Variants in NUP153 observed in about 807,000 individuals in gnomAD.
The protein encoded by NUP153 is nuclear pore complex protein Nup153.
In NUP153, 27 loss-of-function variants were observed where a neutral mutation model predicts 134.6. The ratio of observed to expected loss-of-function variants is 0.20; its 90% CI spans 0.15 to 0.28. The LOEUF (loss-of-function observed/expected upper bound fraction) is 0.28, where lower values mean the gene tolerates loss of function less well. Ranked by LOEUF, NUP153 falls within the 10% of genes least tolerant of loss-of-function variation. The pLI is 1.00. For missense variants in NUP153, 1,821 were observed against 1,731.3 expected (o/e 1.05, Z -0.92); for synonymous variants, 640 against 623.5 (o/e 1.03, Z -0.40).
chr6:17,688,662 C>A, intron 1 of NUP153, 44 bp from the exon 2 acceptor site: 1 of 1,492,768 alleles, frequency 6.7e-7, no homozygotes, highest in Non-Finnish European at 9.2e-7. Context: ...AGAAATTTAT[C>A]TTTTTAAAAT....
intron 2 of NUP153, among the ~76,000 whole-genome samples, chr6:17,687,276 C>T (rs981400452): frequency 6.6e-5 from 10 of 151,908 alleles, no homozygotes; most frequent in African/African-American, 2.4e-4. Flanking sequence ...AACTCTCTAA[C>T]CAAAAGGAAA....
At position 17,706,124 on chromosome 6, in the gene NUP153, C is replaced by T. The variant is rs939530699; in HGVS notation, c.111+153G>A. ...TGTCTCAGCCCACTTCCCGTCGCCA[C>T]CCCCAACGGCCTGAGCTCCCCCGGA... On this transcript the variant is annotated intron_variant, in intron 1 of 21. Transcript: ENST00000262077. The surrounding 1 kb of genome is among the most constrained non-coding windows in gnomAD (Gnocchi z 5.9). 1.1e-5 allele frequency: 7 copies of T among 641,816 alleles called. No homozygotes were observed. The highest frequency in any genetic ancestry group is 1.9e-5 in the Non-Finnish European group (7 of 370,922). The allele number at this position is 641,816 out of a possible 1,614,324, so 39.8% of individuals were successfully genotyped here. A position where few individuals can be genotyped will look rare whatever the true frequency, so the allele number is the denominator to read the frequency against.
intron 14 of NUP153, among the ~76,000 whole-genome samples, chr6:17,644,935 A>C (rs888243169): frequency 5.9e-5 from 9 of 152,070 alleles, no homozygotes; most frequent in Non-Finnish European, 8.8e-5. Flanking sequence ...AATACAAAAA[A>C]ATTAGCCAGG....
At chr6:17,663,256 C>T (rs57316215) in intron 9 of NUP153, among the ~76,000 whole-genome samples, 4,938 of 119,696 alleles carry the variant, frequency 0.041, 112 homozygotes, top group Non-Finnish European at 0.072. Flanking sequence ...CACACACACA[C>T]ACACATATAT....
At chr6:17,691,918 A>G (rs868800415) in intron 1 of NUP153, among the ~76,000 whole-genome samples, 4 of 152,100 alleles carry the variant, frequency 2.6e-5, no homozygotes, top group Admixed American at 6.6e-5. Flanking sequence ...CTCTCATCTC[A>G]GCCTTCCAAG....
chr6:17,623,355 G>A (rs1764749611), intron 20 of NUP153, among the ~76,000 whole-genome samples: 3 of 72,522 alleles, frequency 4.1e-5, no homozygotes, highest in African/African-American at 5.9e-5. Context: ...CTGAAAAATG[G>A]CCAAAAAAAA....
At chr6:17,640,368 A>G (rs962138487) in intron 14 of NUP153, among the ~76,000 whole-genome samples, 3 of 152,248 alleles carry the variant, frequency 2.0e-5, no homozygotes, top group African/African-American at 4.8e-5. Flanking sequence ...TGGAGAGGAT[A>G]TGGCAACTAG....
chr6:17,624,948 C>T, intron 19 of NUP153, 115 bp from the exon 20 acceptor site: 1 of 982,752 alleles, frequency 1.0e-6, no homozygotes, highest in South Asian at 2.0e-5. Flanking sequence ...TCTTACCTTG[C>T]TAACCAAATT....
In NUP153 at chr6:17,616,647, T is replaced by C. The variant is rs748541496; in HGVS notation, c.4223A>G (p.Asn1408Ser). Reference sequence around the variant, plus strand: ...TGTGAACACTCCTGATGGACTGTTGTTTGTGAAGTTGAAATTTGTAGTGCT... The same window carrying C: ...TGTGAACACTCCTGATGGACTGTTGCTTGTGAAGTTGAAATTTGTAGTGCT... ...GSSTTNFNFT[N>S]NSPSGVFTFG... Residue 1408 changes from asparagine (N) to serine (S), a missense_variant, in exon 21 of 22, where the codon AAC becomes AGC. Transcript: ENST00000262077. The C allele has an allele frequency of 1.2e-6, 2 of 1,613,682 alleles. No individual in the cohort carries two copies. Among genetic ancestry groups the C allele is most frequent in the South Asian group, 2.2e-5 (2 of 91,034 alleles).
At chr6:17,682,760 T>C (rs551700848) in intron 2 of NUP153, among the ~76,000 whole-genome samples, 1 of 151,712 alleles carries the variant, frequency 6.6e-6, no homozygotes, top group Non-Finnish European at 1.5e-5. Flanking sequence ...CTACTAAAAA[T>C]ACAAAAAATT....
Position 17,624,700 on chromosome 6 carries a change from T to C in NUP153, c.4035A>G (p.Ser1345=), listed in dbSNP as rs1211773130. 2.5e-6 allele frequency: 4 copies of C among 1,614,140 alleles called. No homozygotes were observed. The highest frequency in any genetic ancestry group is 1.7e-5 in the Admixed American group (1 of 60,014). ...QPNPPGFGSI[S]SSTALFPTGS... is the part of the protein sequence containing the mutation. Reference sequence around the variant, plus strand: ...CAGTGGGAAATAATGCTGTGGAAGATGATATAGATCCAAAGCCTGGGGGAT... The same window carrying C: ...CAGTGGGAAATAATGCTGTGGAAGACGATATAGATCCAAAGCCTGGGGGAT... Residue 1345 remains serine (S), a synonymous_variant, in exon 20 of 22, where the codon TCA becomes TCG. Coordinates refer to ENST00000262077, the MANE Select transcript of NUP153 (RefSeq NM_005124.4).
intron 16 of NUP153, among the ~76,000 whole-genome samples, 167 bp downstream of exon 16, chr6:17,636,986 T>C (rs1765581253): frequency 1.3e-5 from 2 of 152,150 alleles, no homozygotes; most frequent in African/African-American, 4.8e-5. Flanking sequence ...TAACTGAACA[T>C]AAAGATCTAG....
chr6:17,703,694 T>C (rs1202813283), intron 1 of NUP153, among the ~76,000 whole-genome samples: 1 of 151,866 alleles, frequency 6.6e-6, no homozygotes, highest in Non-Finnish European at 1.5e-5. Context: ...TGAATATACC[T>C]GAATACTTTC....
chr6:17,661,857 TA>T (rs879062853), intron 10 of NUP153, 78 bp from the exon 11 acceptor site: 21,288 of 1,156,210 alleles, frequency 0.018, no homozygotes, highest in South Asian at 0.027. Flanking sequence ...TGCTAACAAG[TA>T]AAAAAAAAAT....
intron 1 of NUP153, among the ~76,000 whole-genome samples, chr6:17,693,356 T>C (rs1769399712): frequency 6.6e-6 from 1 of 152,096 alleles, no homozygotes; most frequent in Admixed American, 6.6e-5. Flanking sequence ...AAACACTAGA[T>C]ATTAGAGAAT....
chr6:17,684,236 T>C (rs777179366), intron 2 of NUP153, among the ~76,000 whole-genome samples: 2 of 152,208 alleles, frequency 1.3e-5, no homozygotes, highest in Non-Finnish European at 2.9e-5. Context: ...GAATGCAAAA[T>C]GGACTAATAA....
chr6:17,694,739 G>A (rs1188251065), intron 1 of NUP153, among the ~76,000 whole-genome samples: 1 of 151,894 alleles, frequency 6.6e-6, no homozygotes, highest in Non-Finnish European at 1.5e-5. Flanking sequence ...AGCGCTTTGG[G>A]AGGCTGAAGA....
Position 17,657,191 on chromosome 6 carries a change from T to C in NUP153, c.1395+4462A>G, listed in dbSNP as rs185358252. ...ATACATGTTTGGTGTGACTTTGCTG[T>C]ACTGAACAGTTTATTAATATTAATA... On this transcript the variant is annotated intron_variant, in intron 11 of 21. Transcript: ENST00000262077. Among the ~76,000 whole-genome samples, 5 of 152,178 alleles carry C rather than the reference T, an allele frequency of 3.3e-5. No individual in the cohort carries two copies. The East Asian group carries it at 9.7e-4, about 29-fold the overall frequency.
intron 2 of NUP153, 147 bp downstream of exon 2, chr6:17,688,246 TAAA>T (rs1435377620): frequency 1.6e-6 from 1 of 609,060 alleles, no homozygotes; most frequent in Non-Finnish European, 2.9e-6. Flanking sequence ...CACTGATAAA[TAAA>T]AAAGACATCC....
Sources: gnomAD v4.1 joint callset for allele counts (sites outside exome capture counted in the v4.1 genomes callset) on GRCh38, gnomAD v4.1.1 for gene constraint, Gnocchi (gnomAD v3.1) non-coding constraint, MANE v1.5 for transcripts, NCBI Gene and HGNC (gene_info 2026-07-23, HGNC 2026-07-21) for gene names.